NPAS3: variants seen among roughly 807,000 people sequenced by gnomAD.
NPAS3 encodes the protein neuronal PAS domain-containing protein 3.
In NPAS3, 14 loss-of-function variants were observed where a neutral mutation model predicts 73.1. The observed-to-expected ratio is 0.19, with a 90% CI of 0.13 to 0.30. The LOEUF is 0.30. Ranked by LOEUF, NPAS3 falls within the 10% of genes least tolerant of loss-of-function variation. NPAS3 has a pLI of 1.00. For missense variants in NPAS3, 1,096 were observed against 1,250.0 expected, an observed-to-expected ratio of 0.88 and a Z score of 1.86; for synonymous variants, 620 against 541.5, an observed-to-expected ratio of 1.14 and a Z score of -2.01.
At chr14:33,134,994 G>A (rs746972309) in intron 2 of NPAS3, among the ~76,000 whole-genome samples, 1 of 152,072 alleles carries the variant, frequency 6.6e-6, no homozygotes, top group Non-Finnish European at 1.5e-5. Flanking sequence ...AAGATTATTG[G>A]TTATAAAGCT....
chr14:33,269,819 G>C (rs1369647500), intron 3 of NPAS3, among the ~76,000 whole-genome samples: 9 of 150,930 alleles, frequency 6.0e-5, no homozygotes, highest in African/African-American at 2.2e-4. Flanking sequence ...AGGGAGGGGG[G>C]TATGGGGAGG....
chr14:33,685,584 C>A (rs1166018978), intron 6 of NPAS3, among the ~76,000 whole-genome samples: 1 of 152,094 alleles, frequency 6.6e-6, no homozygotes, highest in Non-Finnish European at 1.5e-5. Flanking sequence ...GTGAGAGGTA[C>A]CCCAAACAGC....
intron 2 of NPAS3, among the ~76,000 whole-genome samples, chr14:33,067,808 G>T (rs1290828765): frequency 1.3e-5 from 2 of 152,042 alleles, no homozygotes; most frequent in Non-Finnish European, 1.5e-5. Flanking sequence ...TAGAACTTGG[G>T]GTCTTCCCCA....
intron 5 of NPAS3, among the ~76,000 whole-genome samples, chr14:33,653,859 C>A (rs2059069273): frequency 6.6e-6 from 1 of 152,156 alleles, no homozygotes; most frequent in Non-Finnish European, 1.5e-5. Flanking sequence ...CATTTTATTC[C>A]TAACTAAAAC....
intron 3 of NPAS3, among the ~76,000 whole-genome samples, chr14:33,344,266 A>G (rs571259213): frequency 6.6e-6 from 1 of 152,356 alleles, no homozygotes; most frequent in South Asian, 2.1e-4. Context: ...TTAAAAAATG[A>G]CAAATTCAGT....
At position 33,702,141 on chromosome 14, in the gene NPAS3, A is replaced by G. The variant is rs113969109; in HGVS notation, c.733+25756A>G. Among the ~76,000 whole-genome samples, 56 of 152,358 alleles carry G rather than the reference A, an allele frequency of 3.7e-4. 1 individual carries two copies. The highest frequency in any genetic ancestry group is 6.5e-4 in the Non-Finnish European group (44 of 68,024). On this transcript the variant is annotated intron_variant, in intron 6 of 11. Coordinates refer to ENST00000356141, the Ensembl canonical transcript of NPAS3. ...CTCTAGAGAGGCTGTCCTCTGTTCC[A>G]TGTTAATTGTGATGCTCTTTCAAAT...
At chr14:33,295,110 C>T (rs934065255) in intron 3 of NPAS3, among the ~76,000 whole-genome samples, 12 of 152,018 alleles carry the variant, frequency 7.9e-5, no homozygotes, top group African/African-American at 2.9e-4. Context: ...GTTGGGATCC[C>T]AAAACGTAGC....
chr14:33,339,107 C>A (rs957686909), intron 3 of NPAS3, among the ~76,000 whole-genome samples: 2 of 152,164 alleles, frequency 1.3e-5, no homozygotes, highest in African/African-American at 2.4e-5. Flanking sequence ...CAGAAATTAA[C>A]CCCGTAATTA....
rs3058296 is a variant in NPAS3, at chr14:33,369,404, C to CAAAAAAAAAAAAAA, written c.468+2146_468+2159dup. Among the ~76,000 whole-genome samples the CAAAAAAAAAAAAAA allele has an allele frequency of 5.8e-3, 525 of 90,896 alleles. 21 individuals are homozygous for CAAAAAAAAAAAAAA. Among genetic ancestry groups the CAAAAAAAAAAAAAA allele is most frequent in the Non-Finnish European group, 9.3e-3 (423 of 45,562 alleles). The allele number at this position is 90,896 out of a possible 152,430, so 59.6% of individuals were successfully genotyped here. On this transcript the variant is annotated intron_variant, in intron 4 of 11. Transcript: ENST00000356141. ...TCTATTTATTTGAAGGCCTCATTTC[C>CAAAAAAAAAAAAAA]AAAAAAAAAAAAAAAAAAAAAAAGG...
chr14:33,668,609 A>C (rs2140304894), intron 5 of NPAS3, among the ~76,000 whole-genome samples: 1 of 152,338 alleles, frequency 6.6e-6, no homozygotes, highest in Non-Finnish European at 1.5e-5. Flanking sequence ...TGAGGCCAGC[A>C]GTTTGAGACC....
chr14:33,800,178 G>A lies in NPAS3; in HGVS notation c.1871G>A (p.Gly624Asp). The A allele has an allele frequency of 1.2e-6, 2 of 1,610,168 alleles. No homozygotes were observed. Among genetic ancestry groups the A allele is most frequent in the Non-Finnish European group, 1.7e-6 (2 of 1,178,918 alleles). ...CGCCTGTCCAGCGCGTCGAGCCCAG[G>A]CGGCCTGGACGCGGGCCTGGTGGAG... is the stretch of plus-strand genomic sequence containing the variant. Residue 624 changes from glycine to aspartate, a missense_variant, in exon 12 of 12, where the codon GGC becomes GAC. This residue lies in a region of NPAS3 where 698 missense variants were observed against 676.7 expected (regional missense o/e 1.03). Transcript: ENST00000356141. The surrounding 1 kb of genome is among the most constrained non-coding windows in gnomAD (Gnocchi z 6.5).
chr14:33,075,996 AT>A (rs1458102652), intron 2 of NPAS3, among the ~76,000 whole-genome samples: 1 of 152,154 alleles, frequency 6.6e-6, no homozygotes, highest in Non-Finnish European at 1.5e-5. Context: ...TCATAATACA[AT>A]TTTTGTAAAT....
chr14:33,454,930 A>G (rs2049961102), intron 4 of NPAS3, among the ~76,000 whole-genome samples: 1 of 152,304 alleles, frequency 6.6e-6, no homozygotes, highest in South Asian at 2.1e-4. Flanking sequence ...GAGTGGCCTC[A>G]GGATCACACA....
downstream of NPAS3, chr14:33,801,115 C>A (rs181214899): frequency 3.8e-5 from 60 of 1,572,122 alleles, no homozygotes; most frequent in African/African-American, 7.3e-4. Flanking sequence ...ACTGAGGCGC[C>A]GCCCGTCCTG....
At chr14:33,695,400 AT>A (rs2140426792) in intron 6 of NPAS3, among the ~76,000 whole-genome samples, 1 of 152,332 alleles carries the variant, frequency 6.6e-6, no homozygotes, top group South Asian at 2.1e-4. Flanking sequence ...ACTGTCTAAT[AT>A]TAAGAGGACA....
intron 4 of NPAS3, among the ~76,000 whole-genome samples, chr14:33,443,448 T>C (rs2064848041): frequency 6.6e-6 from 1 of 152,198 alleles, no homozygotes; most frequent in South Asian, 2.1e-4. Flanking sequence ...TGGTAACTAC[T>C]GTCCCCAGCA....
At chr14:33,263,493 A>G (rs958031156) in intron 3 of NPAS3, among the ~76,000 whole-genome samples, 2 of 152,172 alleles carry the variant, frequency 1.3e-5, no homozygotes, top group Non-Finnish European at 2.9e-5. Flanking sequence ...CTGTTTTGGT[A>G]CCAGTACCAC....
At chr14:33,086,734 A>G (rs967299549) in intron 2 of NPAS3, among the ~76,000 whole-genome samples, 1 of 152,194 alleles carries the variant, frequency 6.6e-6, no homozygotes, top group African/African-American at 2.4e-5. Context: ...TAAATGAAAT[A>G]TAACTTTCTC....
intron 5 of NPAS3, among the ~76,000 whole-genome samples, chr14:33,615,077 G>A (rs964925349): frequency 1.3e-5 from 2 of 152,126 alleles, no homozygotes; most frequent in African/African-American, 4.8e-5. Context: ...GGTGACAGGA[G>A]CATGAGGTGG....
Sources: gnomAD v4.1 joint callset for allele counts (sites outside exome capture counted in the v4.1 genomes callset) on GRCh38, gnomAD v4.1.1 for gene constraint, gnomAD v4.1.1 regional missense constraint, Gnocchi (gnomAD v3.1) non-coding constraint, MANE v1.5 for transcripts, NCBI Gene and HGNC (gene_info 2026-07-23, HGNC 2026-07-21) for gene names.